SGMS2: variants seen among roughly 807,000 people sequenced by gnomAD.
The protein encoded by SGMS2 is sphingomyelin synthase 2.
Under a neutral mutation model 43.8 loss-of-function variants are expected in SGMS2, and 21 were observed. The observed-to-expected ratio is 0.48, with a 90% CI of 0.34 to 0.69. The LOEUF (loss-of-function observed/expected upper bound fraction) is 0.69, where lower values mean the gene tolerates loss of function less well. SGMS2 is among the 30% of genes least tolerant of loss of function. SGMS2 has a pLI of 0.01. For missense variants in SGMS2, 384 were observed against 443.2 expected (o/e 0.87, Z 1.20); for synonymous variants, 167 against 160.6 (o/e 1.04, Z -0.30).
intron 5 of SGMS2, among the ~76,000 whole-genome samples, chr4:107,904,815 T>A (rs1246975486): frequency 6.6e-6 from 1 of 152,186 alleles, no homozygotes; most frequent in Admixed American, 6.5e-5. Context: ...GAAGGATATA[T>A]GTTGCTTTGG....
intron 2 of SGMS2, among the ~76,000 whole-genome samples, chr4:107,889,784 A>G (rs983604291): frequency 3.9e-5 from 6 of 152,212 alleles, no homozygotes; most frequent in Admixed American, 2.6e-4. Context: ...ATCAAATAGC[A>G]AAATTTGCAT....
chr4:107,849,648 G>T (rs911800304), intron 1 of SGMS2, among the ~76,000 whole-genome samples: 3 of 135,528 alleles, frequency 2.2e-5, no homozygotes, highest in Non-Finnish European at 4.4e-5. Flanking sequence ...ACTTTTTAAA[G>T]ATCACAATTG....
At position 107,895,935 on chromosome 4, in the gene SGMS2, T is replaced by C. The variant is rs1730628533; in HGVS notation, c.382T>C (p.Phe128Leu). Residue 128 changes from phenylalanine (F) to leucine (L), a missense_variant, in exon 3 of 7, where the codon TTT becomes CTT. Transcript: ENST00000690982. ...FDYIDRVKWA[F>L]SVSEINGIIL... The stretch of plus-strand genomic sequence containing the variant: ...TTACATTGATAGGGTGAAATGGGCA[T>C]TTTCTGTATCAGAAATAAATGGGAT... 6.2e-7 allele frequency: 1 copy of C among 1,613,876 alleles called. No homozygotes were observed. Among genetic ancestry groups the C allele is most frequent in the Non-Finnish European group, 8.5e-7 (1 of 1,179,940 alleles).
intron 6 of SGMS2, 34 bp from the exon 7 acceptor site, chr4:107,910,316 A>C: frequency 6.6e-7 from 1 of 1,506,300 alleles, no homozygotes; most frequent in Non-Finnish European, 9.2e-7. Flanking sequence ...TGAGAAAGAT[A>C]TGTCTCATTT....
intron 1 of SGMS2, among the ~76,000 whole-genome samples, chr4:107,851,147 G>C (rs1258102633): frequency 5.3e-5 from 8 of 152,128 alleles, no homozygotes; most frequent in African/African-American, 1.9e-4. Context: ...TATGCAACTT[G>C]CTTTCTGATT....
rs986178200 is a variant in SGMS2, at chr4:107,913,422, G to A, written c.*2869G>A. 1 of 152,130 alleles carries A rather than the reference G, an allele frequency of 6.6e-6. No homozygotes were observed. The highest frequency in any genetic ancestry group is 6.6e-5 in the Admixed American group (1 of 15,260). The allele number at this position is 152,130 out of a possible 1,614,324, so 9.4% of individuals were successfully genotyped here. A position where few individuals can be genotyped will look rare whatever the true frequency, so the allele number is the denominator to read the frequency against. Reference sequence around the variant, plus strand: ...GTGGCAGGAAGGCTGTTTTGAGAGTGAGCGTTGAGTCTACTCTGGTTTGTG... The same window carrying A: ...GTGGCAGGAAGGCTGTTTTGAGAGTAAGCGTTGAGTCTACTCTGGTTTGTG... On this transcript the variant is annotated 3_prime_UTR_variant, in exon 7 of 7. Transcript: ENST00000690982.
intron 6 of SGMS2, 95 bp downstream of exon 6, chr4:107,908,826 C>T: frequency 1.9e-6 from 2 of 1,069,852 alleles, no homozygotes; most frequent in East Asian, 2.4e-5. Context: ...ATGGGGATAA[C>T]CGATGTTGCC....
chr4:107,859,753 C>T (rs1727624082), intron 2 of SGMS2, among the ~76,000 whole-genome samples: 1 of 152,128 alleles, frequency 6.6e-6, no homozygotes, highest in African/African-American at 2.4e-5. Context: ...GAGGACTTGC[C>T]TCGCTCTCAG....
At chr4:107,825,620 CTTTTTTTT>C (rs201101875) in intron 1 of SGMS2, among the ~76,000 whole-genome samples, 193 of 116,272 alleles carry the variant, frequency 1.7e-3, no homozygotes, top group African/African-American at 6.3e-3. Flanking sequence ...TTTTCTTTCT[CTTTTTTTT>C]TTTTTTTTTT....
chr4:107,898,830 G>A (rs190812681), intron 3 of SGMS2, among the ~76,000 whole-genome samples: 6 of 152,254 alleles, frequency 3.9e-5, no homozygotes, highest in East Asian at 1.9e-4. Flanking sequence ...TTAGGACAAC[G>A]TTCTTCTCAC....
At chr4:107,909,491 T>C (rs563073419) in intron 6 of SGMS2, among the ~76,000 whole-genome samples, 5 of 152,330 alleles carry the variant, frequency 3.3e-5, no homozygotes, top group African/African-American at 9.6e-5. Flanking sequence ...GTGATAATGG[T>C]GCTCTCTGGC....
intron 1 of SGMS2, among the ~76,000 whole-genome samples, chr4:107,831,370 G>A (rs1725882929): frequency 1.3e-5 from 2 of 152,296 alleles, no homozygotes; most frequent in South Asian, 4.1e-4. Flanking sequence ...TTGGACCTGA[G>A]TCACAGCACT....
At chr4:107,857,535 T>G (rs925599110) in intron 1 of SGMS2, among the ~76,000 whole-genome samples, 2 of 141,044 alleles carry the variant, frequency 1.4e-5, no homozygotes, top group Admixed American at 6.8e-5. Flanking sequence ...TTAAAAGATA[T>G]ATATATATAT....
At chr4:107,871,011 G>A (rs1728523058) in intron 2 of SGMS2, among the ~76,000 whole-genome samples, 1 of 152,008 alleles carries the variant, frequency 6.6e-6, no homozygotes, top group African/African-American at 2.4e-5. Flanking sequence ...CTACCTCTTG[G>A]CATTATGTTC....
In SGMS2 at chr4:107,895,833, A is replaced by G; in HGVS notation, c.280A>G (p.Thr94Ala). Residue 94 changes from threonine to alanine, a missense_variant, in exon 3 of 7, where the codon ACC becomes GCC. Physicochemically the swap from Thr to Ala is moderately conservative, Grantham distance 58. Transcript: ENST00000690982. ...TGCAGTTTTCAACCTCGTCTTGACA[A>G]CCGTCATGATCACAGTTGTACATGA... ...IYAVFNLVLT[T>A]VMITVVHERV... 6.2e-7 allele frequency: 1 copy of G among 1,614,018 alleles called. No homozygotes were observed. Among genetic ancestry groups the G allele is most frequent in the Non-Finnish European group, 8.5e-7 (1 of 1,179,936 alleles).
At chr4:107,845,353 A>G (rs988342231) in intron 1 of SGMS2, among the ~76,000 whole-genome samples, 1 of 152,194 alleles carries the variant, frequency 6.6e-6, no homozygotes, top group East Asian at 1.9e-4. Flanking sequence ...TCTGAAAGGA[A>G]GAGGAGCATG....
chr4:107,882,421 A>C (rs1010275881), intron 2 of SGMS2, among the ~76,000 whole-genome samples: 1 of 152,010 alleles, frequency 6.6e-6, no homozygotes, highest in African/African-American at 2.4e-5. Flanking sequence ...AGAAATGTCT[A>C]TTTGGAACTT....
intron 2 of SGMS2, among the ~76,000 whole-genome samples, chr4:107,893,970 T>G (rs1730454394): frequency 6.6e-6 from 1 of 152,208 alleles, no homozygotes; most frequent in South Asian, 2.1e-4. Context: ...CAGGTGTTTT[T>G]CACTCCTTTT....
At chr4:107,834,364 G>GAA (rs1560628108) in intron 1 of SGMS2, among the ~76,000 whole-genome samples, 1 of 152,056 alleles carries the variant, frequency 6.6e-6, no homozygotes, top group Non-Finnish European at 1.5e-5. Flanking sequence ...AGGTTTCCAG[G>GAA]AAAAAAGTGT....
Sources: allele counts gnomAD v4.1 joint callset (sites outside exome capture counted in the v4.1 genomes callset), GRCh38; gene constraint gnomAD v4.1.1; transcripts MANE v1.5; gene names NCBI Gene and HGNC (gene_info 2026-07-23, HGNC 2026-07-21).